CORO2A: variants seen among roughly 807,000 people sequenced by gnomAD.
CORO2A encodes coronin 2A.
A neutral mutation model predicts 62.4 loss-of-function variants in CORO2A; 47 were observed. The observed-to-expected ratio is 0.75, with a 90% CI of 0.60 to 0.96. The LOEUF (loss-of-function observed/expected upper bound fraction) is 0.96. CORO2A is among the 40% of genes least tolerant of loss of function. CORO2A has a pLI of 0.00. For missense variants in CORO2A, 610 were observed against 684.1 expected, an observed-to-expected ratio of 0.89 and a Z score of 1.21; for synonymous variants, 273 against 268.9, an observed-to-expected ratio of 1.02 and a Z score of -0.15.
intron 2 of CORO2A, among the ~76,000 whole-genome samples, chr9:98,143,660 A>C (rs1299924927): frequency 6.6e-6 from 1 of 152,228 alleles, no homozygotes; most frequent in Non-Finnish European, 1.5e-5. Context: ...TACTCAGTAC[A>C]TTAGCCAGGA....
At position 98,133,060 on chromosome 9, in the gene CORO2A, G is replaced by A. The variant is rs765171079; in HGVS notation, c.626C>T (p.Pro209Leu). The A allele has an allele frequency of 1.2e-6, 2 of 1,614,222 alleles. No homozygotes were observed. Among genetic ancestry groups the A allele is most frequent in the Non-Finnish European group, 8.5e-7 (1 of 1,180,038 alleles). ...CKDRKIRVID[P>L]RAGTVLQEAS... Reference sequence around the variant, plus strand: ...GACCTGGAGGACGGTCCCTGCTCGGGGGTCAATAACCCGAATCTTGCGGTC... The same window carrying A: ...GACCTGGAGGACGGTCCCTGCTCGGAGGTCAATAACCCGAATCTTGCGGTC... Residue 209 changes from proline (P) to leucine (L), a missense_variant, in exon 5 of 12, where the codon CCC (proline) becomes CTC (leucine). Coordinates refer to ENST00000375077, the MANE Select transcript of CORO2A (RefSeq NM_052820.4).
intron 1 of CORO2A, among the ~76,000 whole-genome samples, chr9:98,186,304 G>A (rs1828238534): frequency 6.6e-6 from 1 of 151,932 alleles, no homozygotes. Context: ...TAGGTTTGGG[G>A]GATGGTATCT....
At chr9:98,160,116 T>C (rs1827863658) in intron 1 of CORO2A, among the ~76,000 whole-genome samples, 1 of 152,096 alleles carries the variant, frequency 6.6e-6, no homozygotes, top group African/African-American at 2.4e-5. Context: ...AAATTCCAAC[T>C]CTCCTTTCGG....
chr9:98,182,113 A>C (rs905500836), intron 1 of CORO2A, among the ~76,000 whole-genome samples: 3 of 152,032 alleles, frequency 2.0e-5, no homozygotes, highest in African/African-American at 7.2e-5. Flanking sequence ...CTCTACGATT[A>C]CTGTCCATCT....
At position 98,170,918 on chromosome 9, in the gene CORO2A, G is replaced by A. The variant is rs554887877; in HGVS notation, c.1-13258C>T. ...CACCAGACACACACAGGACCACAAGGGCGACAGAGCTGTCCAGCCATCAGC... is the reference window on the plus strand; with the variant it reads ...CACCAGACACACACAGGACCACAAGAGCGACAGAGCTGTCCAGCCATCAGC... On this transcript the variant is annotated intron_variant, in intron 1 of 11. Transcript: ENST00000375077. 3.3e-3 allele frequency among the ~76,000 whole-genome samples: 506 copies of A among 152,278 alleles called. 3 individuals carry two copies. Among genetic ancestry groups the A allele is most frequent in the African/African-American group, 0.012 (489 of 41,548 alleles).
chr9:98,166,602 G>A (rs2118899015), intron 1 of CORO2A, among the ~76,000 whole-genome samples: 1 of 152,292 alleles, frequency 6.6e-6, no homozygotes, highest in Admixed American at 6.5e-5. Context: ...ATGAAAGATA[G>A]TACGGCAGTT....
intron 1 of CORO2A, among the ~76,000 whole-genome samples, chr9:98,177,394 C>T (rs1043135012): frequency 4.7e-5 from 7 of 147,454 alleles, no homozygotes; most frequent in African/African-American, 7.6e-5. Context: ...AACGTGGTGG[C>T]GTGTTAGAGG....
In CORO2A at chr9:98,121,028, A is replaced by G. The variant is rs1291648760; in HGVS notation, c.*3746T>C. The G allele has an allele frequency of 2.0e-5, 3 of 152,218 alleles. No individual in the cohort carries two copies. The highest frequency in any genetic ancestry group is 4.8e-5 in the African/African-American group (2 of 41,448). 9.4% of individuals were successfully genotyped at this position (152,218 alleles called of 1,614,324 possible). A position where few individuals can be genotyped will look rare whatever the true frequency, so the allele number is the denominator to read the frequency against. On this transcript the variant is annotated 3_prime_UTR_variant, in exon 12 of 12. Transcript: ENST00000375077. ...TTTTGTTACATTATTTCCATTGCAT[A>G]TTCCACATCTATTTATTTTCACTTT...
intron 3 of CORO2A, among the ~76,000 whole-genome samples, chr9:98,136,186 T>C (rs1330106791): frequency 3.3e-5 from 5 of 152,200 alleles, no homozygotes. Context: ...TTCAAAGCAG[T>C]CCTGAAAAGG....
chr9:98,133,082 G>C lies in CORO2A; in HGVS notation c.604C>G (p.Arg202Gly). 1.2e-6 allele frequency: 2 copies of C among 1,614,240 alleles called. No homozygotes were observed. The highest frequency in any genetic ancestry group is 1.7e-6 in the Non-Finnish European group (2 of 1,180,048). Reference sequence around the variant, plus strand: ...CGGGGGTCAATAACCCGAATCTTGCGGTCTTTGCAGGTGGTGGCCAACAGG... The same window carrying C: ...CGGGGGTCAATAACCCGAATCTTGCCGTCTTTGCAGGTGGTGGCCAACAGG... ...GSLLATTCKD[R>G]KIRVIDPRAG... is the part of the protein sequence containing the mutation. Residue 202 changes from arginine (R) to glycine (G), a missense_variant, in exon 5 of 12, where the codon CGC becomes GGC. By Grantham distance (125) the Arg-to-Gly change is moderately radical (BLOSUM62 -2). Coordinates refer to ENST00000375077, the MANE Select transcript of CORO2A (RefSeq NM_052820.4).
In CORO2A at chr9:98,131,010, C is replaced by T; in HGVS notation, c.815G>A (p.Gly272Asp). ...CGCGTCATAGAAGGGAAACAGCACG[C>T]CCGAGGAGCCGTCCAGGTCCTCCTC... ...LMEEDLDGSS[G>D]VLFPFYDADT... The change falls in exon 7 of 12, where the codon GGC becomes GAC. Residue 272 changes from glycine (G) to aspartate (D), a missense_variant. Coordinates refer to ENST00000375077, the MANE Select transcript of CORO2A (RefSeq NM_052820.4). The T allele has an allele frequency of 6.2e-7, 1 of 1,613,952 alleles. No individual in the cohort carries two copies. Among genetic ancestry groups the T allele is most frequent in the Non-Finnish European group, 8.5e-7 (1 of 1,179,966 alleles).
At chr9:98,159,413 T>G (rs1309707554) in intron 1 of CORO2A, among the ~76,000 whole-genome samples, 1 of 152,112 alleles carries the variant, frequency 6.6e-6, no homozygotes, top group African/African-American at 2.4e-5. Flanking sequence ...ATCCTTTGGC[T>G]TGGCATTCAA....
rs760096970 is a variant in CORO2A at position 98,126,720 on chromosome 9, C to T, written c.1275G>A (p.Arg425=). The T allele has an allele frequency of 3.1e-6, 5 of 1,614,170 alleles. No individual in the cohort carries two copies. The South Asian group carries it at 5.5e-5, about 18-fold the overall frequency. The change falls in exon 11 of 12, where the codon CGG becomes CGA. Residue 425 remains arginine (R), a synonymous_variant. Coordinates refer to ENST00000375077, the MANE Select transcript of CORO2A (RefSeq NM_052820.4). ...IFNSMAPASP[R]LLNQTEKLAA... The stretch of plus-strand genomic sequence containing the variant: ...CCAGCTTTTCTGTCTGATTCAAGAG[C>T]CGGGGTGAGGCTGGGGCCATGGAAT...
At position 98,136,775 on chromosome 9, in the gene CORO2A, CAGTT is replaced by C. The variant is rs557600711; in HGVS notation, c.318+793_318+796del. 4.3e-4 allele frequency among the ~76,000 whole-genome samples: 65 copies of C among 152,320 alleles called. No homozygotes were observed. In the South Asian group the frequency reaches 0.012, roughly 27 times the overall value. On this transcript the variant is annotated intron_variant, in intron 3 of 11. Transcript: ENST00000375077. ...GACTGTGAAATGATAAGTGTGATGACAGTTAGGAATACAGTGGGCTCACAATAAA... is the reference window on the plus strand; with the variant it reads ...GACTGTGAAATGATAAGTGTGATGACAGGAATACAGTGGGCTCACAATAAA...
intron 2 of CORO2A, among the ~76,000 whole-genome samples, chr9:98,152,061 C>G (rs1045201927): frequency 6.6e-6 from 1 of 151,774 alleles, no homozygotes; most frequent in African/African-American, 2.4e-5. Context: ...AGATGATCCA[C>G]CTGCCTTGGC....
chr9:98,129,384 T>C (rs940185787), intron 8 of CORO2A, among the ~76,000 whole-genome samples: 3 of 152,210 alleles, frequency 2.0e-5, no homozygotes, highest in Non-Finnish European at 2.9e-5. Flanking sequence ...GGGTTTCTTG[T>C]AGATTACAGA....
intron 1 of CORO2A, among the ~76,000 whole-genome samples, chr9:98,189,556 G>T (rs7870439): frequency 0.24 from 35,805 of 152,108 alleles, 4,304 homozygotes; most frequent in African/African-American, 0.25. Flanking sequence ...ACTGAGATTT[G>T]TTCACTCTAA....
At chr9:98,164,947 A>C (rs1171192670) in intron 1 of CORO2A, among the ~76,000 whole-genome samples, 1 of 151,668 alleles carries the variant, frequency 6.6e-6, no homozygotes, top group South Asian at 2.1e-4. Flanking sequence ...CACCACTACC[A>C]CCACCACCAG....
At chr9:98,167,408 G>A (rs1827976112) in intron 1 of CORO2A, among the ~76,000 whole-genome samples, 2 of 152,204 alleles carry the variant, frequency 1.3e-5, no homozygotes, top group South Asian at 4.1e-4. Context: ...GGCAGTATGA[G>A]CGTACTTAAT....
Sources: allele counts gnomAD v4.1 joint callset (sites outside exome capture counted in the v4.1 genomes callset), GRCh38; gene constraint gnomAD v4.1.1; transcripts MANE v1.5; gene names NCBI Gene and HGNC (gene_info 2026-07-23, HGNC 2026-07-21).